The following SGCZ variants were observed in gnomAD, a reference collection of about 807,000 sequenced individuals.
SGCZ encodes the protein sarcoglycan zeta.
SGCZ carries 40 observed loss-of-function variants against 41.3 expected under a neutral mutation model. That is an observed-to-expected ratio of 0.97 (90% confidence interval 0.75 to 1.26). The LOEUF (loss-of-function observed/expected upper bound fraction) is 1.26. Ranked by LOEUF, SGCZ falls within the 50% of genes most tolerant of loss-of-function variation. The probability of loss-of-function intolerance (pLI) is 0.00; values close to 1 mark genes in which losing one functional copy is unlikely to be tolerated. For synonymous variants in SGCZ, 206 were observed against 137.5 expected, an observed-to-expected ratio of 1.50 and a Z score of -3.49; for missense variants, 552 against 369.8, an observed-to-expected ratio of 1.49 and a Z score of -4.04.
intron 3 of SGCZ, among the ~76,000 whole-genome samples, chr8:14,310,300 G>A (rs1387757577): frequency 6.6e-6 from 1 of 152,076 alleles, no homozygotes; most frequent in Non-Finnish European, 1.5e-5. Context: ...GAATATGACA[G>A]AAAGGTGGAA....
intron 2 of SGCZ, among the ~76,000 whole-genome samples, chr8:14,493,226 C>T (rs1801892853): frequency 6.6e-6 from 1 of 151,910 alleles, no homozygotes; most frequent in Non-Finnish European, 1.5e-5. Context: ...GTATTTCTCC[C>T]TCCTCTCCTC....
intron 1 of SGCZ, among the ~76,000 whole-genome samples, chr8:14,848,510 T>G (rs555134275): frequency 1.3e-5 from 2 of 152,300 alleles, no homozygotes; most frequent in South Asian, 4.1e-4. Flanking sequence ...AATAGACATA[T>G]TGATCAATAG....
chr8:14,905,948 A>G (rs1401106519), intron 1 of SGCZ, among the ~76,000 whole-genome samples: 1 of 152,126 alleles, frequency 6.6e-6, no homozygotes, highest in Non-Finnish European at 1.5e-5. Context: ...AATAAAGAAT[A>G]TACCTATGAG....
chr8:15,019,910 A>C (rs1327705805), intron 1 of SGCZ, among the ~76,000 whole-genome samples: 1 of 150,508 alleles, frequency 6.6e-6, no homozygotes, highest in Non-Finnish European at 1.5e-5. Flanking sequence ...CATGCAGATT[A>C]GCTTTGCATT....
chr8:15,183,277 T>G (rs148037204), intron 1 of SGCZ, among the ~76,000 whole-genome samples: 1 of 152,266 alleles, frequency 6.6e-6, no homozygotes, highest in African/African-American at 2.4e-5. Flanking sequence ...TAATTTTCTA[T>G]GCTAGGCTGT....
rs1252024546 is a variant in SGCZ at position 14,627,925 on chromosome 8, A to C, written c.40-72999T>G. On this transcript the variant is annotated intron_variant, in intron 1 of 7. Coordinates refer to ENST00000382080, the MANE Select transcript of SGCZ (RefSeq NM_139167.4). ...GAAACTAATATAAATTAATTCCTTT[A>C]TTGTATAATTTTAAGCTTCAGCTAC... 2.0e-5 allele frequency among the ~76,000 whole-genome samples: 3 copies of C among 152,088 alleles called. No homozygotes were observed. In the East Asian group the frequency reaches 5.8e-4, roughly 29 times the overall value.
intron 3 of SGCZ, among the ~76,000 whole-genome samples, chr8:14,254,441 T>C (rs1031888801): frequency 6.6e-6 from 1 of 152,160 alleles, no homozygotes; most frequent in African/African-American, 2.4e-5. Context: ...GGGGGCCAGG[T>C]GTAGGTAGAG....
chr8:14,189,009 C>T (rs1280947649), intron 4 of SGCZ, among the ~76,000 whole-genome samples: 1 of 117,470 alleles, frequency 8.5e-6, no homozygotes, highest in East Asian at 2.6e-4. Context: ...GCACCTGCCA[C>T]CACGCCCAGC....
At chr8:14,219,824 G>C (rs999243203) in intron 4 of SGCZ, among the ~76,000 whole-genome samples, 11 of 144,592 alleles carry the variant, frequency 7.6e-5, no homozygotes, top group African/African-American at 2.6e-4. Flanking sequence ...CTTGCCAACC[G>C]ACTACCACTT....
intron 2 of SGCZ, among the ~76,000 whole-genome samples, chr8:14,429,276 G>A (rs911987671): frequency 4.6e-5 from 7 of 152,210 alleles, no homozygotes; most frequent in Non-Finnish European, 8.8e-5. Flanking sequence ...ATGTGAGGCT[G>A]GGGTTTGAGG....
chr8:14,694,287 T>C (rs1449824080), intron 1 of SGCZ, among the ~76,000 whole-genome samples: 2 of 152,200 alleles, frequency 1.3e-5, no homozygotes, highest in African/African-American at 4.8e-5. Context: ...TTTCTTTTGT[T>C]GTATTCTTAC....
chr8:14,632,451 A>C (rs1806689614), intron 1 of SGCZ, among the ~76,000 whole-genome samples: 1 of 152,148 alleles, frequency 6.6e-6, no homozygotes, highest in Non-Finnish European at 1.5e-5. Flanking sequence ...TTTATCATTT[A>C]TTAAACTGAA....
At chr8:14,951,760 C>A (rs994904913) in intron 1 of SGCZ, among the ~76,000 whole-genome samples, 10 of 152,078 alleles carry the variant, frequency 6.6e-5, no homozygotes, top group African/African-American at 2.4e-4. Flanking sequence ...TTTAATGTAT[C>A]TGTGCGTATA....
chr8:14,297,649 G>C (rs1801059383), intron 3 of SGCZ, among the ~76,000 whole-genome samples: 1 of 151,860 alleles, frequency 6.6e-6, no homozygotes, highest in Non-Finnish European at 1.5e-5. Context: ...CAAATTAGGT[G>C]AAATGGAAAA....
At chr8:14,416,582 GTT>G (rs1030798779) in intron 2 of SGCZ, among the ~76,000 whole-genome samples, 7 of 151,926 alleles carry the variant, frequency 4.6e-5, no homozygotes, top group Admixed American at 4.6e-4. Flanking sequence ...AATTTCACTT[GTT>G]TTACAATGTT....
At chr8:14,438,020 T>C (rs962045858) in intron 2 of SGCZ, among the ~76,000 whole-genome samples, 2 of 151,956 alleles carry the variant, frequency 1.3e-5, no homozygotes, top group African/African-American at 4.8e-5. Flanking sequence ...TTTAGAATCA[T>C]TAAGCCATAA....
intron 1 of SGCZ, among the ~76,000 whole-genome samples, chr8:15,049,611 C>A (rs1357694139): frequency 6.6e-6 from 1 of 152,072 alleles, no homozygotes; most frequent in South Asian, 2.1e-4. Flanking sequence ...TGCCACCATG[C>A]GCAGCTAGGT....
chr8:14,258,022 T>C (rs1585289269), intron 3 of SGCZ, among the ~76,000 whole-genome samples: 1 of 152,330 alleles, frequency 6.6e-6, no homozygotes, highest in Admixed American at 6.5e-5. Context: ...GTTTGTTGAA[T>C]AAGAACCTTG....
chr8:14,479,327 G>A lies in SGCZ; in HGVS notation c.234+75405C>T, dbSNP rs150023109. Among the ~76,000 whole-genome samples the A allele has an allele frequency of 2.0e-5, 3 of 152,264 alleles. No individual in the cohort carries two copies. In the South Asian group the frequency reaches 6.2e-4, roughly 32 times the overall value. ...AAGCATTCAGCACGGGAGAAAAATA[G>A]AGGCCCGGAGACTCAGCGAGTCTCG... On this transcript the variant is annotated intron_variant, in intron 2 of 7. Transcript: ENST00000382080.
Sources: allele counts gnomAD v4.1 joint callset (sites outside exome capture counted in the v4.1 genomes callset), GRCh38; gene constraint gnomAD v4.1.1; transcripts MANE v1.5; gene names NCBI Gene and HGNC (gene_info 2026-07-23, HGNC 2026-07-21).